Variants in C9orf85 observed in about 807,000 individuals in gnomAD.
C9orf85 encodes uncharacterized protein C9orf85.
C9orf85 carries 16 observed loss-of-function variants against 14.9 expected under a neutral mutation model. That is an observed-to-expected ratio of 1.08 (90% CI 0.73 to 1.63). The LOEUF (loss-of-function observed/expected upper bound fraction) is 1.63, where lower values mean the gene tolerates loss of function less well. C9orf85 is among the 40% of genes most tolerant of loss of function. C9orf85 has a pLI of 0.00. For missense variants in C9orf85, 172 were observed against 186.1 expected (o/e 0.92, Z 0.44); for synonymous variants, 45 against 56.8 (o/e 0.79, Z 0.93).
rs62561834 is a variant in C9orf85, at chr9:71,916,246, T to C, written c.102+4410T>C. Among the ~76,000 whole-genome samples, 671 of 152,262 alleles carry C rather than the reference T, an allele frequency of 4.4e-3. 6 individuals carry two copies. The highest frequency in any genetic ancestry group is 7.0e-3 in the Non-Finnish European group (479 of 68,006). ...GAAGGATGAGTAACATTAAACTAAA[T>C]GGAGGAGCATCTGTCATCCTTTTGA... On this transcript the variant is annotated intron_variant, in intron 1 of 3. Transcript: ENST00000334731.
downstream of C9orf85, among the ~76,000 whole-genome samples, chr9:71,976,129 A>G (rs1408462825): frequency 1.3e-5 from 2 of 152,172 alleles, no homozygotes; most frequent in East Asian, 3.9e-4. Flanking sequence ...TCCTCTACAT[A>G]TATTTTTAGG....
chr9:71,934,268 G>T (rs577323039), intron 1 of C9orf85, among the ~76,000 whole-genome samples: 4 of 151,994 alleles, frequency 2.6e-5, no homozygotes, highest in Non-Finnish European at 5.9e-5. Context: ...CACTTGAACT[G>T]CACTCTAGCC....
intron 1 of C9orf85, among the ~76,000 whole-genome samples, chr9:71,941,530 A>G (rs947976292): frequency 7.9e-5 from 12 of 152,244 alleles, no homozygotes; most frequent in Admixed American, 7.2e-4. Flanking sequence ...AAATAAAGCA[A>G]TGAGTTAAAT....
At chr9:71,974,971 T>G (rs1212677434), downstream of C9orf85, among the ~76,000 whole-genome samples, 1 of 152,252 alleles carries the variant, frequency 6.6e-6, no homozygotes, top group Non-Finnish European at 1.5e-5. Flanking sequence ...AAGTGGAATG[T>G]TATTTTAGAA....
intron 1 of C9orf85, among the ~76,000 whole-genome samples, chr9:71,943,482 A>C (rs951600775): frequency 6.6e-6 from 1 of 152,170 alleles, no homozygotes; most frequent in Admixed American, 6.5e-5. Context: ...TAATATTTAC[A>C]ATTTGCTCTT....
intron 1 of C9orf85, among the ~76,000 whole-genome samples, chr9:71,937,079 C>T (rs920818495): frequency 1.3e-5 from 2 of 152,074 alleles, no homozygotes; most frequent in African/African-American, 2.4e-5. Flanking sequence ...TTCAAAGTTG[C>T]GATAGATTTA....
At chr9:71,975,956 A>G (rs1439622657), downstream of C9orf85, among the ~76,000 whole-genome samples, 2 of 152,240 alleles carry the variant, frequency 1.3e-5, no homozygotes, top group Non-Finnish European at 2.9e-5. Context: ...GACCTACCAT[A>G]AATTCTTTCC....
chr9:71,963,394 T>A (rs1822580199), intron 2 of C9orf85, among the ~76,000 whole-genome samples: 1 of 151,936 alleles, frequency 6.6e-6, no homozygotes, highest in Non-Finnish European at 1.5e-5. Flanking sequence ...CTCACAGCCC[T>A]CGCTCGCTCT....
chr9:71,957,966 C>G (rs1822420997), intron 2 of C9orf85, among the ~76,000 whole-genome samples: 2 of 151,998 alleles, frequency 1.3e-5, no homozygotes, highest in South Asian at 4.1e-4. Flanking sequence ...GAAGTGCAGT[C>G]TTTGTACTAT....
rs757081062 is a variant in C9orf85, at chr9:71,931,568, CAG to C, written c.103-15435_103-15434del. ...TGGGGCAAATGATGAAATTTGGAGTCAGAGGCGTGGCCTTGAGCTCTGGTTGT... is the reference window on the plus strand; with the variant it reads ...TGGGGCAAATGATGAAATTTGGAGTCAGGCGTGGCCTTGAGCTCTGGTTGT... On this transcript the variant is annotated intron_variant, in intron 1 of 3. Transcript: ENST00000334731. Among the ~76,000 whole-genome samples, 159 of 152,128 alleles carry C rather than the reference CAG, an allele frequency of 1.0e-3. 1 individual carries two copies. The highest frequency in any genetic ancestry group is 2.9e-4 in the Non-Finnish European group (20 of 68,024).
intron 3 of C9orf85, among the ~76,000 whole-genome samples, chr9:71,980,323 TC>T (rs1698893135): frequency 6.6e-6 from 1 of 152,160 alleles, no homozygotes; most frequent in South Asian, 2.1e-4. Context: ...CTATATTTTT[TC>T]TTTAATCTGT....
At chr9:71,933,778 G>A (rs1828125967) in intron 1 of C9orf85, among the ~76,000 whole-genome samples, 1 of 152,176 alleles carries the variant, frequency 6.6e-6, no homozygotes, top group African/African-American at 2.4e-5. Flanking sequence ...AGAGGGAACT[G>A]AGAACTAAAC....
At chr9:71,972,227 T>C (rs905576924) in intron 3 of C9orf85, among the ~76,000 whole-genome samples, 1 of 152,142 alleles carries the variant, frequency 6.6e-6, no homozygotes, top group East Asian at 1.9e-4. Context: ...GTGACAATAG[T>C]ATTATAATTG....
intron 3 of C9orf85, among the ~76,000 whole-genome samples, chr9:71,981,812 C>T (rs1589279174): frequency 6.6e-6 from 1 of 152,126 alleles, no homozygotes; most frequent in Admixed American, 6.5e-5. Flanking sequence ...AGAAAAATAC[C>T]AGCCTTCATT....
downstream of C9orf85, chr9:71,984,271 C>T (rs1823162130): frequency 1.3e-5 from 2 of 152,264 alleles, no homozygotes; most frequent in Admixed American, 1.3e-4. Context: ...AAAAATTAAT[C>T]TTCATCAGTT....
At chr9:71,950,941 G>A (rs991668596) in intron 2 of C9orf85, among the ~76,000 whole-genome samples, 1 of 152,094 alleles carries the variant, frequency 6.6e-6, no homozygotes, top group Non-Finnish European at 1.5e-5. Flanking sequence ...ACCAAAAACC[G>A]CGTGTTAATT....
intron 1 of C9orf85, among the ~76,000 whole-genome samples, chr9:71,915,144 A>T (rs1025553743): frequency 3.3e-5 from 5 of 151,754 alleles, no homozygotes; most frequent in African/African-American, 1.2e-4. Flanking sequence ...CTTTCCTCTG[A>T]GGATTGCTAC....
intron 1 of C9orf85, among the ~76,000 whole-genome samples, chr9:71,921,325 GCTTCATC>G (rs1589245807): frequency 6.6e-6 from 1 of 152,162 alleles, no homozygotes; most frequent in East Asian, 1.9e-4. Context: ...CTACCTGGAG[GCTTCATC>G]TACATGACAA....
Position 71,973,168 on chromosome 9 carries a change from A to G in C9orf85, c.*326A>G, listed in dbSNP as rs1822932684. The G allele has an allele frequency of 6.5e-6, 1 of 154,506 alleles. No homozygotes were observed. The highest frequency in any genetic ancestry group is 1.4e-5 in the Non-Finnish European group (1 of 69,488). 9.6% of individuals were successfully genotyped at this position (154,506 alleles called of 1,614,324 possible). A position where few individuals can be genotyped will look rare whatever the true frequency, so the allele number is the denominator to read the frequency against. On this transcript the variant is annotated 3_prime_UTR_variant, in exon 4 of 4. Coordinates refer to ENST00000334731, the MANE Select transcript of C9orf85 (RefSeq NM_182505.5). ...TCAAAAAAAATAAAATAAAAAGTCA[A>G]TTTAGAATGTGAAATTCTGACCACC...
Sources: allele counts gnomAD v4.1 joint callset (sites outside exome capture counted in the v4.1 genomes callset), GRCh38; gene constraint gnomAD v4.1.1; transcripts MANE v1.5; gene names NCBI Gene and HGNC (gene_info 2026-07-23, HGNC 2026-07-21).